URI1: variants seen among roughly 807,000 people sequenced by gnomAD.
URI1 encodes the protein unconventional prefoldin RPB5 interactor 1.
In URI1, 39 loss-of-function variants were observed where a neutral mutation model predicts 60.2. The ratio of observed to expected loss-of-function variants is 0.65; its 90% CI spans 0.50 to 0.85. URI1 has a LOEUF of 0.85. Among genes scored for constraint, URI1 ranks in the 40% least tolerant of loss-of-function variants. The pLI is 0.00. For missense variants in URI1, 691 were observed against 665.9 expected, an observed-to-expected ratio of 1.04 and a Z score of -0.42; for synonymous variants, 251 against 236.8, an observed-to-expected ratio of 1.06 and a Z score of -0.55.
At chr19:29,952,771 G>T (rs2055195352) in intron 1 of URI1, among the ~76,000 whole-genome samples, 2 of 152,118 alleles carry the variant, frequency 1.3e-5, no homozygotes, top group Non-Finnish European at 2.9e-5. Context: ...CAGTGACATT[G>T]ATTACATTCA....
At chr19:29,985,077 G>C (rs1017951875) in intron 2 of URI1, 146 bp from the exon 3 acceptor site, 1 of 655,710 alleles carries the variant, frequency 1.5e-6, no homozygotes, top group East Asian at 3.0e-5. Context: ...CCGAGATCAC[G>C]CCACTGCACT....
In URI1 at chr19:29,989,039, T is replaced by A. The variant is rs538334416; in HGVS notation, c.367+2622T>A. Among the ~76,000 whole-genome samples, 92 of 152,326 alleles carry A rather than the reference T, an allele frequency of 6.0e-4. 1 individual carries two copies. The highest frequency in any genetic ancestry group is 1.2e-3 in the Non-Finnish European group (80 of 68,018). ...GATGTTGAGCATTGATTCATGCACT[T>A]ATTTTATCTTTGTGTCCTCTTTTAC... On this transcript the variant is annotated intron_variant, in intron 4 of 10. Transcript: ENST00000392271.
intron 2 of URI1, among the ~76,000 whole-genome samples, chr19:29,980,750 C>T (rs978610620): frequency 7.3e-5 from 11 of 150,604 alleles, no homozygotes; most frequent in African/African-American, 2.4e-4. Flanking sequence ...GGTGAAACCC[C>T]GTCTCTACTA....
At chr19:30,001,688 G>T (rs192700177) in intron 4 of URI1, among the ~76,000 whole-genome samples, 25 of 151,982 alleles carry the variant, frequency 1.6e-4, no homozygotes, top group Admixed American at 9.8e-4. Context: ...ATCCCAGATC[G>T]ACTTGTAGTA....
chr19:29,992,219 G>A (rs1271170065), intron 4 of URI1, among the ~76,000 whole-genome samples: 1 of 152,094 alleles, frequency 6.6e-6, no homozygotes, highest in African/African-American at 2.4e-5. Flanking sequence ...ACAGGCGAGT[G>A]CCACCATGCC....
At chr19:29,995,133 C>T (rs1003457587) in intron 4 of URI1, among the ~76,000 whole-genome samples, 1 of 151,982 alleles carries the variant, frequency 6.6e-6, no homozygotes, top group Non-Finnish European at 1.5e-5. Context: ...AGCAGCTGTA[C>T]CATTTTATAT....
intron 1 of URI1, among the ~76,000 whole-genome samples, chr19:29,967,714 G>A (rs1047980487): frequency 3.3e-5 from 5 of 152,176 alleles, no homozygotes; most frequent in African/African-American, 1.2e-4. Context: ...CCGCATGATG[G>A]TTGGAAGCAG....
Position 29,986,335 on chromosome 19 carries a change from A to G in URI1, c.285A>G (p.Glu95=). 6.2e-7 allele frequency: 1 copy of G among 1,611,416 alleles called. No homozygotes were observed. Among genetic ancestry groups the G allele is most frequent in the South Asian group, 1.1e-5 (1 of 90,612 alleles). The part of the protein sequence containing the change: ...FMPGKLVHTN[E]VTVLLGDNWF... Reference sequence around the variant, plus strand: ...CAGGAAAACTTGTCCATACTAATGAAGTCACTGTTTTACTGGGGGACAACT... The same window carrying G: ...CAGGAAAACTTGTCCATACTAATGAGGTCACTGTTTTACTGGGGGACAACT... Residue 95 remains glutamate (E), a synonymous_variant, in exon 4 of 11, where the codon GAA becomes GAG. Transcript: ENST00000392271.
At chr19:29,943,699 C>T (rs1197334290) in intron 1 of URI1, among the ~76,000 whole-genome samples, 1 of 151,878 alleles carries the variant, frequency 6.6e-6, no homozygotes, top group African/African-American at 2.4e-5. Context: ...GCTTGGAAAC[C>T]ACCTGTTGGG....
intron 2 of URI1, among the ~76,000 whole-genome samples, chr19:29,974,806 G>A (rs1458785909): frequency 6.6e-6 from 1 of 152,068 alleles, no homozygotes; most frequent in African/African-American, 2.4e-5. Flanking sequence ...GTCCCCAGTG[G>A]TTAGCTCCCA....
chr19:29,939,985 C>T (rs1247872370), upstream of URI1, among the ~76,000 whole-genome samples: 1 of 152,124 alleles, frequency 6.6e-6, no homozygotes, highest in East Asian at 1.9e-4. Flanking sequence ...TGACCTGATC[C>T]CCTTTGAAAA....
intron 2 of URI1, among the ~76,000 whole-genome samples, chr19:29,976,107 A>G (rs1599692327): frequency 1.3e-5 from 2 of 151,724 alleles, no homozygotes; most frequent in East Asian, 3.9e-4. Flanking sequence ...ACCTGGAACT[A>G]TTTTTTTTTA....
At chr19:29,933,102 C>T (rs2054936835) in intron 1 of URI1, among the ~76,000 whole-genome samples, 2 of 152,192 alleles carry the variant, frequency 1.3e-5, no homozygotes. Flanking sequence ...GAGCAGTGGT[C>T]TGCAGTTTTC....
intron 4 of URI1, among the ~76,000 whole-genome samples, chr19:30,004,711 C>CT (rs2055918293): frequency 6.6e-6 from 1 of 152,000 alleles, no homozygotes; most frequent in Non-Finnish European, 1.5e-5. Flanking sequence ...GATTTCTACT[C>CT]TGATTACAGA....
At chr19:29,980,637 AAAC>A in intron 2 of URI1, among the ~76,000 whole-genome samples, 1 of 148,482 alleles carries the variant, frequency 6.7e-6, no homozygotes, top group Non-Finnish European at 1.5e-5. Flanking sequence ...AAAAAAAAAA[AAAC>A]TGGGCCAGGC....
At chr19:29,943,389 A>G (rs1177210223) in intron 1 of URI1, among the ~76,000 whole-genome samples, 1 of 152,154 alleles carries the variant, frequency 6.6e-6, no homozygotes, top group Admixed American at 6.5e-5. Context: ...AAATAGTTTT[A>G]TTGTTAAATC....
intron 2 of URI1, among the ~76,000 whole-genome samples, chr19:29,975,798 AC>A (rs1259551763): frequency 6.6e-6 from 1 of 152,002 alleles, no homozygotes; most frequent in Non-Finnish European, 1.5e-5. Context: ...GAGCCACCGC[AC>A]CCGGCCCCTC....
intron 4 of URI1, among the ~76,000 whole-genome samples, chr19:29,994,623 A>G (rs887587050): frequency 2.0e-5 from 3 of 152,078 alleles, no homozygotes; most frequent in Non-Finnish European, 4.4e-5. Flanking sequence ...AGGATGAACA[A>G]TATTTTATTT....
Position 30,009,347 on chromosome 19 carries a change from T to C in URI1, c.1029T>C (p.Pro343=). The part of the protein sequence containing the change: ...PTIYFSHTVE[P]KRVRINTGKN... ...TATATTTTTCACATACTGTTGAGCC[T>C]AAGAGGGTTTGTATACTTTTAACTT... The change falls in exon 8 of 11, where the codon CCT becomes CCC. Residue 343 remains proline (P), a synonymous_variant. Coordinates refer to ENST00000392271, the MANE Select transcript of URI1 (RefSeq NM_003796.3). 1 of 1,611,458 alleles carries C rather than the reference T, an allele frequency of 6.2e-7. No individual in the cohort carries two copies. Among genetic ancestry groups the C allele is most frequent in the South Asian group, 1.1e-5 (1 of 90,944 alleles).
Sources: allele counts gnomAD v4.1 joint callset (sites outside exome capture counted in the v4.1 genomes callset), GRCh38; gene constraint gnomAD v4.1.1; transcripts MANE v1.5; gene names NCBI Gene and HGNC (gene_info 2026-07-23, HGNC 2026-07-21).